SNX18: variants seen among roughly 807,000 people sequenced by gnomAD.
SNX18 encodes sorting nexin-18.
SNX18 carries 35 observed loss-of-function variants against 48.7 expected under a neutral mutation model. The observed-to-expected ratio is 0.72, with a 90% confidence interval of 0.55 to 0.95. The LOEUF (loss-of-function observed/expected upper bound fraction) is 0.95, where lower values mean the gene tolerates loss of function less well. SNX18 is among the 40% of genes least tolerant of loss of function. The pLI is 0.00. For missense variants in SNX18, 824 were observed against 871.0 expected (o/e 0.95, Z 0.68); for synonymous variants, 492 against 384.7 (o/e 1.28, Z -3.26).
chr5:54,627,227 G>T, the SNX18 span, among the ~76,000 whole-genome samples: 1 of 152,156 alleles, frequency 6.6e-6, no homozygotes, highest in African/African-American at 2.4e-5. Context: ...GAAAAGCAGA[G>T]CAATTAATAT....
the SNX18 span, among the ~76,000 whole-genome samples, chr5:54,572,032 C>G: frequency 6.6e-6 from 1 of 152,148 alleles, no homozygotes; most frequent in Non-Finnish European, 1.5e-5. Flanking sequence ...TATTAGAACT[C>G]TGATTTTTTT....
At chr5:54,581,274 C>G in the SNX18 span, among the ~76,000 whole-genome samples, 1 of 152,082 alleles carries the variant, frequency 6.6e-6, no homozygotes, top group Non-Finnish European at 1.5e-5. Context: ...TGGGAAGATT[C>G]ATGTGGTTCC....
the SNX18 span, among the ~76,000 whole-genome samples, chr5:54,601,527 G>A: frequency 2.0e-5 from 3 of 152,106 alleles, no homozygotes; most frequent in South Asian, 4.1e-4. Context: ...CAGAAACTAC[G>A]TGAGGCCTGA....
At chr5:54,571,855 G>A in the SNX18 span, among the ~76,000 whole-genome samples, 1 of 152,130 alleles carries the variant, frequency 6.6e-6, no homozygotes. Context: ...GGTTTCGGGG[G>A]AGACTGTGTG....
chr5:54,600,902 G>A, the SNX18 span, among the ~76,000 whole-genome samples: 1 of 152,184 alleles, frequency 6.6e-6, no homozygotes, highest in Admixed American at 6.5e-5. Flanking sequence ...TAGGTGATGA[G>A]TTGATAGGTG....
chr5:54,644,788 T>A, the SNX18 span: 2 of 152,266 alleles, frequency 1.3e-5, no homozygotes, highest in Non-Finnish European at 2.9e-5. Flanking sequence ...AAACAGAACC[T>A]AGGATAGTAA....
At chr5:54,534,882 T>G (rs1239192229) in intron 1 of SNX18, among the ~76,000 whole-genome samples, 1 of 152,162 alleles carries the variant, frequency 6.6e-6, no homozygotes, top group Non-Finnish European at 1.5e-5. Context: ...GATTCACTAC[T>G]CTCATACTGT....
the SNX18 span, among the ~76,000 whole-genome samples, chr5:54,552,197 C>T: frequency 1.1e-4 from 17 of 152,186 alleles, no homozygotes; most frequent in Admixed American, 7.9e-4. Flanking sequence ...CATTCGTGAG[C>T]GGCTGGCTGG....
the SNX18 span, among the ~76,000 whole-genome samples, chr5:54,635,181 G>T: frequency 6.6e-6 from 1 of 151,522 alleles, no homozygotes; most frequent in South Asian, 2.1e-4. Flanking sequence ...ATATATTTGT[G>T]TTGCTCTGGG....
chr5:54,566,809 T>G, the SNX18 span, among the ~76,000 whole-genome samples: 1 of 152,244 alleles, frequency 6.6e-6, no homozygotes, highest in South Asian at 2.1e-4. Flanking sequence ...GACTCATTAC[T>G]GTGGAGGAAG....
the SNX18 span, among the ~76,000 whole-genome samples, chr5:54,600,622 A>AT: frequency 6.6e-6 from 1 of 152,028 alleles, no homozygotes; most frequent in African/African-American, 2.4e-5. Context: ...ATGTGGTATA[A>AT]ATATACCATG....
chr5:54,577,263 G>C, the SNX18 span, among the ~76,000 whole-genome samples: 2 of 152,134 alleles, frequency 1.3e-5, no homozygotes, highest in Non-Finnish European at 2.9e-5. Flanking sequence ...GAAAACCCAT[G>C]TCACAGGAAT....
Position 54,517,966 on chromosome 5 carries a change from C to T in SNX18, c.14C>T (p.Ala5Val). The stretch of plus-strand genomic sequence containing the variant: ...GGCGCCGGGACCATGGCGCTGCGCG[C>T]CCGGGCGCTGTACGACTTCAGGTCG... MALR[A>V]RALYDFRSEN... The change falls in exon 1 of 2, where the codon GCC (alanine) becomes GTC (valine). Residue 5 changes from alanine to valine, a missense_variant. Around this residue, in one of 3 missense-constraint regions of SNX18, gnomAD observed 377 missense variants for 350.6 expected, o/e 1.08. Transcript: ENST00000381410. 1 of 1,520,184 alleles carries T rather than the reference C, an allele frequency of 6.6e-7. No homozygotes were observed. Among genetic ancestry groups the T allele is most frequent in the East Asian group, 2.8e-5 (1 of 36,098 alleles). 94.2% of individuals were successfully genotyped at this position (1,520,184 alleles called of 1,614,324 possible).
At chr5:54,591,171 T>G in the SNX18 span, among the ~76,000 whole-genome samples, 65 of 1,376 alleles carry the variant, frequency 0.047, no homozygotes, top group Non-Finnish European at 0.2. Context: ...TTTTTTGGGT[T>G]TTTTTTTTGT....
At chr5:54,543,120 T>G in intron 1 of SNX18, 59 bp from the exon 2 acceptor site, 1 of 1,519,330 alleles carries the variant, frequency 6.6e-7, no homozygotes, top group Non-Finnish European at 8.9e-7. Context: ...AATATGTAGT[T>G]ATGTTCTTGG....
chr5:54,599,678 A>G, the SNX18 span, among the ~76,000 whole-genome samples: 1 of 152,098 alleles, frequency 6.6e-6, no homozygotes. Context: ...CAGAAATAAG[A>G]TCACACATCT....
downstream of SNX18, among the ~76,000 whole-genome samples, chr5:54,551,271 G>C (rs182919422): frequency 3.3e-5 from 5 of 152,280 alleles, no homozygotes; most frequent in Admixed American, 2.0e-4. Context: ...GAAGCGGACT[G>C]CTAAGAGAAT....
the SNX18 span, among the ~76,000 whole-genome samples, chr5:54,589,486 G>A: frequency 1.4e-4 from 22 of 152,274 alleles, no homozygotes; most frequent in East Asian, 4.0e-3. Context: ...GGGGTAAAAA[G>A]CAAAGTTTTG....
chr5:54,612,266 T>A, the SNX18 span, among the ~76,000 whole-genome samples: 1 of 11,856 alleles, frequency 8.4e-5, no homozygotes, highest in African/African-American at 1.9e-3. Context: ...TTTTTTTTAT[T>A]TTTTTTTTTT....
Sources: gnomAD v4.1 joint callset for allele counts (sites outside exome capture counted in the v4.1 genomes callset) on GRCh38, gnomAD v4.1.1 for gene constraint, gnomAD v4.1.1 regional missense constraint, MANE v1.5 for transcripts, NCBI Gene and HGNC (gene_info 2026-07-23, HGNC 2026-07-21) for gene names.